Variants in IL24 observed in about 807,000 individuals in gnomAD.
The protein encoded by IL24 is interleukin-24.
In IL24, 24 loss-of-function variants were observed where a neutral mutation model predicts 27.6. The observed-to-expected ratio is 0.87, with a 90% CI of 0.63 to 1.22. The LOEUF is 1.22. IL24 is among the 50% of genes most tolerant of loss of function. The pLI, the probability that IL24 is intolerant of heterozygous loss-of-function variation, is 0.00. For synonymous variants in IL24, 99 were observed against 93.1 expected, an observed-to-expected ratio of 1.06 and a Z score of -0.36; for missense variants, 240 against 237.0, an observed-to-expected ratio of 1.01 and a Z score of -0.08.
chr1:206,897,734 C>A lies in IL24; in HGVS notation c.-99C>A. On this transcript the variant is annotated 5_prime_UTR_variant, in exon 2 of 7. Coordinates refer to ENST00000294984, the MANE Select transcript of IL24 (RefSeq NM_006850.3). ...ATTTTTTTGAGTGTTGATGTAGGGA[C>A]AAGACATGACTGTGATGAGGAGCTG... 3.1e-6 allele frequency: 4 copies of A among 1,276,618 alleles called. No individual in the cohort carries two copies. The highest frequency in any genetic ancestry group is 2.4e-5 in the East Asian group (1 of 42,336). 79.1% of individuals were successfully genotyped at this position (1,276,618 alleles called of 1,614,324 possible). A position where few individuals can be genotyped will look rare whatever the true frequency, so the allele number is the denominator to read the frequency against.
intron 6 of IL24, 62 bp from the exon 7 acceptor site, chr1:206,902,914 G>A: frequency 1.2e-6 from 2 of 1,613,044 alleles, no homozygotes; most frequent in Non-Finnish European, 1.7e-6. Flanking sequence ...GGCATGGCAG[G>A]TTGGAAGAAA....
rs1678501731 is a variant in IL24 at position 206,903,856 on chromosome 1, C to T, written c.*797C>T. ...GACATTCCCTGCTAATAAAAGACAA[C>T]ATAACTCAAGTCTGGCAGACTTTCT... On this transcript the variant is annotated 3_prime_UTR_variant, in exon 7 of 7. Coordinates refer to ENST00000294984, the MANE Select transcript of IL24 (RefSeq NM_006850.3). The T allele has an allele frequency of 6.6e-6, 1 of 152,302 alleles. No homozygotes were observed. Among genetic ancestry groups the T allele is most frequent in the Admixed American group, 6.5e-5 (1 of 15,276 alleles). 9.4% of individuals were successfully genotyped at this position (152,302 alleles called of 1,614,324 possible). A position where few individuals can be genotyped will look rare whatever the true frequency, so the allele number is the denominator to read the frequency against.
At position 206,897,544 on chromosome 1, in the gene IL24, T is replaced by C. The variant is rs1169908144; in HGVS notation, c.-174T>C. On this transcript the variant is annotated 5_prime_UTR_variant, in exon 1 of 7. Coordinates refer to ENST00000294984, the MANE Select transcript of IL24 (RefSeq NM_006850.3). ...GATTGGTGAATGGTGAAGGTGCCTG[T>C]CTAACTTTTCTGTAAAAAGAACCAG... 1.9e-5 allele frequency: 5 copies of C among 264,458 alleles called. No individual in the cohort carries two copies. Among genetic ancestry groups the C allele is most frequent in the African/African-American group, 1.1e-4 (5 of 44,398 alleles). 16.4% of individuals were successfully genotyped at this position (264,458 alleles called of 1,614,324 possible).
At chr1:206,901,348 C>T (rs1332577495) in intron 4 of IL24, 146 bp from the exon 5 acceptor site, 1 of 872,320 alleles carries the variant, frequency 1.1e-6, no homozygotes, top group Non-Finnish European at 1.7e-6. Flanking sequence ...CCTGAAGGCT[C>T]CTACAGATCT....
Position 206,903,893 on chromosome 1 carries a change from G to T in IL24, c.*834G>T, listed in dbSNP as rs933543180. On this transcript the variant is annotated 3_prime_UTR_variant, in exon 7 of 7. Transcript: ENST00000294984. The stretch of plus-strand genomic sequence containing the variant: ...CTGGCAGACTTTCTTCTCTATTTCT[G>T]GATGAATGCCCAGTGAGACTGTGTT... 58 of 152,304 alleles carry T rather than the reference G, an allele frequency of 3.8e-4. 1 individual carries two copies. Among genetic ancestry groups the T allele is most frequent in the Non-Finnish European group, 1.5e-5 (1 of 68,022 alleles). The allele number at this position is 152,304 out of a possible 1,614,324, so 9.4% of individuals were successfully genotyped here.
At chr1:206,897,691 T>G in intron 1 of IL24, 40 bp from the exon 2 acceptor site, 2 of 700,678 alleles carry the variant, frequency 2.9e-6, no homozygotes, top group Non-Finnish European at 4.8e-6. Flanking sequence ...GGGGTCAAGG[T>G]GGGGACAGCA....
intron 4 of IL24, 150 bp downstream of exon 4, chr1:206,900,507 G>T: frequency 4.2e-6 from 3 of 709,192 alleles, no homozygotes; most frequent in Non-Finnish European, 5.0e-6. Flanking sequence ...AGCCAGGGAA[G>T]TCAGTGTCTG....
In IL24 at chr1:206,897,529, T is replaced by C. The variant is rs1399364561; in HGVS notation, c.-189T>C. On this transcript the variant is annotated 5_prime_UTR_variant, in exon 1 of 7. An upstream start codon of the reference 5' UTR is lost. Coordinates refer to ENST00000294984, the MANE Select transcript of IL24 (RefSeq NM_006850.3). ...CACAGCTATGCCTCTGATTGGTGAATGGTGAAGGTGCCTGTCTAACTTTTC... is the reference window on the plus strand; with the variant it reads ...CACAGCTATGCCTCTGATTGGTGAACGGTGAAGGTGCCTGTCTAACTTTTC... The C allele has an allele frequency of 2.6e-5, 6 of 231,512 alleles. No individual in the cohort carries two copies. Among genetic ancestry groups the C allele is most frequent in the Non-Finnish European group, 4.2e-5 (5 of 118,920 alleles). The allele number at this position is 231,512 out of a possible 1,614,324, so 14.3% of individuals were successfully genotyped here. A position where few individuals can be genotyped will look rare whatever the true frequency, so the allele number is the denominator to read the frequency against.
At chr1:206,898,274 G>C (rs778035764) in intron 2 of IL24, among the ~76,000 whole-genome samples, 8 of 151,996 alleles carry the variant, frequency 5.3e-5, no homozygotes, top group Non-Finnish European at 7.4e-5. Flanking sequence ...ATAACCCAGG[G>C]GTCGCCGCCT....
chr1:206,899,375 C>T lies in IL24; in HGVS notation c.100C>T (p.Pro34Ser), dbSNP rs957845460. Residue 34 changes from proline to serine, a missense_variant, in exon 3 of 7, where the codon CCT becomes TCT. Transcript: ENST00000294984. ...CTCTCAAATGCAGATGGTTGTGCTC[C>T]CTTGCCTGGGTTTTACCCTGCTTCT... ...TASQMQMVVL[P>S]CLGFTLLLWS... The T allele has an allele frequency of 1.2e-6, 2 of 1,614,098 alleles. No homozygotes were observed.
rs1230593094 is a variant in IL24, at chr1:206,898,181, AAAAAAGCCTGT to A, written c.44+306_44+316del. Among the ~76,000 whole-genome samples, 16 of 115,050 alleles carry A rather than the reference AAAAAAGCCTGT, an allele frequency of 1.4e-4. No homozygotes were observed. The East Asian group carries it at 4.2e-3, about 30-fold the overall frequency. 75.5% of individuals were successfully genotyped at this position (115,050 alleles called of 152,430 possible). A position where few individuals can be genotyped will look rare whatever the true frequency, so the allele number is the denominator to read the frequency against. On this transcript the variant is annotated intron_variant, in intron 2 of 6. Coordinates refer to ENST00000294984, the MANE Select transcript of IL24 (RefSeq NM_006850.3). Reference sequence around the variant, plus strand: ...AATTCTGTCAAAAAAAAAAAAAAAAAAAAAAGCCTGTGGAGTTTGAAAGAACAGAATGAAAA... The same window carrying A: ...AATTCTGTCAAAAAAAAAAAAAAAAAGGAGTTTGAAAGAACAGAATGAAAA...
intron 5 of IL24, 36 bp from the exon 6 acceptor site, chr1:206,901,962 A>T: frequency 6.2e-7 from 1 of 1,605,850 alleles, no homozygotes; most frequent in South Asian, 1.1e-5. Context: ...GCTCCTATCT[A>T]AAAATTGGCA....
intron 4 of IL24, among the ~76,000 whole-genome samples, chr1:206,900,811 C>T (rs1466481786): frequency 1.3e-5 from 2 of 152,072 alleles, no homozygotes; most frequent in South Asian, 2.1e-4. Flanking sequence ...CTATGCTGAA[C>T]CCTAACCTGG....
chr1:206,903,142 A>G lies in IL24; in HGVS notation c.*83A>G. Reference sequence around the variant, plus strand: ...AACAGTCTCCCTTCCTATGCTGTTCACTGGACACTTCACGCCCTTGGCCAT... The same window carrying G: ...AACAGTCTCCCTTCCTATGCTGTTCGCTGGACACTTCACGCCCTTGGCCAT... On this transcript the variant is annotated 3_prime_UTR_variant, in exon 7 of 7. Coordinates refer to ENST00000294984, the MANE Select transcript of IL24 (RefSeq NM_006850.3). 1 of 1,183,468 alleles carries G rather than the reference A, an allele frequency of 8.4e-7. No individual in the cohort carries two copies. Among genetic ancestry groups the G allele is most frequent in the Non-Finnish European group, 1.3e-6 (1 of 788,754 alleles). 73.3% of individuals were successfully genotyped at this position (1,183,468 alleles called of 1,614,324 possible).
chr1:206,899,456 G>A lies in IL24; in HGVS notation c.181G>A (p.Val61Met), dbSNP rs374553848. ...GQEFHFGPCQ[V>M]KGVVPQKLWE... ...AGAATTCCACTTTGGGCCCTGCCAAGTGAAGGGGGTTGTTCCCCAGAAACT... is the reference window on the plus strand; with the variant it reads ...AGAATTCCACTTTGGGCCCTGCCAAATGAAGGGGGTTGTTCCCCAGAAACT... The change falls in exon 3 of 7, where the codon GTG becomes ATG. Residue 61 changes from valine (V) to methionine (M), a missense_variant. Coordinates refer to ENST00000294984, the MANE Select transcript of IL24 (RefSeq NM_006850.3). 17 of 1,613,782 alleles carry A rather than the reference G, an allele frequency of 1.1e-5. No individual in the cohort carries two copies. The African/African-American group carries it at 1.7e-4, about 16-fold the overall frequency.
intron 3 of IL24, 97 bp downstream of exon 3, chr1:206,899,612 C>T: frequency 9.6e-7 from 1 of 1,036,310 alleles, no homozygotes; most frequent in Non-Finnish European, 1.4e-6. Context: ...TGGAGTCCTT[C>T]ACAGCTTGCT....
chr1:206,901,911 C>A, intron 5 of IL24, 87 bp from the exon 6 acceptor site: 1 of 1,360,484 alleles, frequency 7.4e-7, no homozygotes, highest in Non-Finnish European at 1.0e-6. Flanking sequence ...TTTGGGAGAC[C>A]CTGTGGCATC....
At chr1:206,898,794 G>T (rs549401336) in intron 2 of IL24, among the ~76,000 whole-genome samples, 64 of 152,294 alleles carry the variant, frequency 4.2e-4, no homozygotes, top group Middle Eastern at 6.8e-3. Context: ...CCTGGGACCA[G>T]GATTAACCCC....
chr1:206,903,650 G>A lies in IL24; in HGVS notation c.*591G>A, dbSNP rs1328844346. ...TGTGGATTAAAGTGCCCAGCACAAAGCAGATCCTCAATAAACATTTCATTT... is the reference window on the plus strand; with the variant it reads ...TGTGGATTAAAGTGCCCAGCACAAAACAGATCCTCAATAAACATTTCATTT... On this transcript the variant is annotated 3_prime_UTR_variant, in exon 7 of 7. Coordinates refer to ENST00000294984, the MANE Select transcript of IL24 (RefSeq NM_006850.3). 6.6e-6 allele frequency: 1 copy of A among 152,490 alleles called. No individual in the cohort carries two copies. The highest frequency in any genetic ancestry group is 2.4e-5 in the African/African-American group (1 of 41,438). The allele number at this position is 152,490 out of a possible 1,614,324, so 9.4% of individuals were successfully genotyped here. A position where few individuals can be genotyped will look rare whatever the true frequency, so the allele number is the denominator to read the frequency against.
Sources: gnomAD v4.1 joint callset for allele counts (sites outside exome capture counted in the v4.1 genomes callset) on GRCh38, gnomAD v4.1.1 for gene constraint, MANE v1.5 for transcripts, NCBI Gene and HGNC (gene_info 2026-07-23, HGNC 2026-07-21) for gene names.